The following IGF2BP3 variants were observed in gnomAD, a reference collection of about 807,000 sequenced individuals.
IGF2BP3 encodes insulin like growth factor 2 mRNA binding protein 3.
IGF2BP3 carries 9 observed loss-of-function variants against 73.8 expected under a neutral mutation model. That is an observed-to-expected ratio of 0.12 (90% CI 0.07 to 0.21). The LOEUF is 0.21. IGF2BP3 is among the 10% of genes least tolerant of loss of function. The pLI is 1.00. For synonymous variants in IGF2BP3, 258 were observed against 256.7 expected (o/e 1.01, Z -0.05); for missense variants, 542 against 714.0 (o/e 0.76, Z 2.75).
At chr7:23,391,741 CT>C (rs1786283960) in intron 3 of IGF2BP3, among the ~76,000 whole-genome samples, 2 of 152,312 alleles carry the variant, frequency 1.3e-5, no homozygotes, top group South Asian at 2.1e-4. Flanking sequence ...ATAAAAAGCA[CT>C]GATCATTGTC....
chr7:23,453,847 T>C (rs1443717451), intron 2 of IGF2BP3, among the ~76,000 whole-genome samples: 2 of 152,170 alleles, frequency 1.3e-5, no homozygotes, highest in African/African-American at 4.8e-5. Flanking sequence ...TTTTTTTGTT[T>C]GTTTTGCTGT....
At chr7:23,366,869 G>A (rs1275111947) in intron 3 of IGF2BP3, among the ~76,000 whole-genome samples, 1 of 152,024 alleles carries the variant, frequency 6.6e-6, no homozygotes, top group Admixed American at 6.5e-5. Flanking sequence ...TCTTAAGGCA[G>A]GCCATTATTT....
At chr7:23,375,216 A>G (rs1439515082) in intron 3 of IGF2BP3, among the ~76,000 whole-genome samples, 2 of 152,188 alleles carry the variant, frequency 1.3e-5, no homozygotes, top group Non-Finnish European at 2.9e-5. Context: ...TAAGTATGAC[A>G]TTCCTTATCT....
chr7:23,312,652 C>T, intron 14 of IGF2BP3, 83 bp downstream of exon 14: 1 of 1,048,728 alleles, frequency 9.5e-7, no homozygotes, highest in South Asian at 1.4e-5. Context: ...ACAACCTTAA[C>T]TAATTCTATC....
intron 3 of IGF2BP3, among the ~76,000 whole-genome samples, chr7:23,365,320 A>T (rs144405900): frequency 1.9e-3 from 297 of 152,330 alleles, no homozygotes; most frequent in Non-Finnish European, 3.8e-3. Flanking sequence ...AATTCTTCTG[A>T]AAAGCAATTT....
chr7:23,342,268 A>T, intron 9 of IGF2BP3, 79 bp from the exon 10 acceptor site: 1 of 1,461,276 alleles, frequency 6.8e-7, no homozygotes, highest in Admixed American at 1.7e-5. Flanking sequence ...GACAGTATTC[A>T]AACTGATCTC....
intron 11 of IGF2BP3, among the ~76,000 whole-genome samples, chr7:23,318,461 G>A (rs1269396850): frequency 1.3e-5 from 2 of 152,092 alleles, no homozygotes; most frequent in Non-Finnish European, 2.9e-5. Flanking sequence ...CTGGGGTCAA[G>A]CAATTTGCCT....
At chr7:23,395,901 G>A (rs1164207914) in intron 3 of IGF2BP3, among the ~76,000 whole-genome samples, 1 of 151,946 alleles carries the variant, frequency 6.6e-6, no homozygotes, top group Non-Finnish European at 1.5e-5. Flanking sequence ...ACTCCAGCCT[G>A]GGCAACAGAG....
intron 6 of IGF2BP3, 128 bp downstream of exon 6, chr7:23,351,177 T>A (rs1241922260): frequency 5.4e-6 from 5 of 923,906 alleles, no homozygotes. Flanking sequence ...TTTTACACAT[T>A]CCCAAGTACT....
intron 12 of IGF2BP3, among the ~76,000 whole-genome samples, chr7:23,314,047 G>C (rs1389044442): frequency 6.6e-6 from 1 of 152,106 alleles, no homozygotes; most frequent in African/African-American, 2.4e-5. Flanking sequence ...TTGGAGTCAG[G>C]GTCCTCCTGT....
intron 3 of IGF2BP3, among the ~76,000 whole-genome samples, chr7:23,400,734 G>A (rs1475076865): frequency 6.6e-6 from 1 of 152,230 alleles, no homozygotes; most frequent in African/African-American, 2.4e-5. Context: ...CCAACCATAT[G>A]CATCGCAGTG....
At chr7:23,404,047 G>A (rs1786751791) in intron 3 of IGF2BP3, among the ~76,000 whole-genome samples, 1 of 151,908 alleles carries the variant, frequency 6.6e-6, no homozygotes, top group South Asian at 2.1e-4. Flanking sequence ...GCCAAGGCAG[G>A]AGGATTGCTT....
intron 2 of IGF2BP3, among the ~76,000 whole-genome samples, chr7:23,438,154 C>G (rs1787847390): frequency 1.3e-5 from 2 of 152,350 alleles, no homozygotes; most frequent in East Asian, 3.9e-4. Flanking sequence ...GAGTCTCACT[C>G]TGTTGCCCAG....
intron 10 of IGF2BP3, among the ~76,000 whole-genome samples, chr7:23,322,008 G>C (rs1248242680): frequency 2.6e-5 from 4 of 152,212 alleles, no homozygotes; most frequent in African/African-American, 9.6e-5. Flanking sequence ...CTCTTAAAAA[G>C]CAGAGTGCCT....
intron 2 of IGF2BP3, among the ~76,000 whole-genome samples, chr7:23,435,705 C>T (rs888530811): frequency 6.6e-5 from 10 of 152,102 alleles, no homozygotes; most frequent in African/African-American, 1.9e-4. Context: ...ATCCACCCAC[C>T]TCGGCCTCCC....
chr7:23,368,751 G>T (rs1785461032), intron 3 of IGF2BP3, among the ~76,000 whole-genome samples: 1 of 152,040 alleles, frequency 6.6e-6, no homozygotes, highest in African/African-American at 2.4e-5. Context: ...TACAAAATTA[G>T]CCGGGCGTGG....
chr7:23,329,916 C>T (rs563439400), intron 10 of IGF2BP3, among the ~76,000 whole-genome samples: 1 of 152,306 alleles, frequency 6.6e-6, no homozygotes, highest in African/African-American at 2.4e-5. Context: ...ACGATTCAAA[C>T]CTGGGTTTCT....
At chr7:23,376,202 CTT>C (rs1291633726) in intron 3 of IGF2BP3, among the ~76,000 whole-genome samples, 1 of 152,172 alleles carries the variant, frequency 6.6e-6, no homozygotes, top group Non-Finnish European at 1.5e-5. Flanking sequence ...TGGAAGAAGT[CTT>C]AAACTCTGCT....
chr7:23,460,178 C>CAAA (rs757381858), intron 2 of IGF2BP3, among the ~76,000 whole-genome samples: 1,406 of 55,040 alleles, frequency 0.026, 153 homozygotes, highest in African/African-American at 0.095. Context: ...GACCCTGCCT[C>CAAA]AAAAAAAAAA....
Sources: allele counts gnomAD v4.1 joint callset (sites outside exome capture counted in the v4.1 genomes callset), GRCh38; gene constraint gnomAD v4.1.1; transcripts MANE v1.5; gene names NCBI Gene and HGNC (gene_info 2026-07-23, HGNC 2026-07-21).